RIMS2: variants seen among roughly 807,000 people sequenced by gnomAD.
RIMS2 encodes the protein regulating synaptic membrane exocytosis 2, also known as regulating synaptic membrane exocytosis protein 2.
In RIMS2, 59 loss-of-function variants were observed where a neutral mutation model predicts 174.4. That is an observed-to-expected ratio of 0.34 (90% CI 0.27 to 0.42). The LOEUF (loss-of-function observed/expected upper bound fraction) is 0.42. RIMS2 is among the 10% of genes least tolerant of loss of function. RIMS2 has a pLI of 1.00. For missense variants in RIMS2, 1,620 were observed against 1,666.3 expected (o/e 0.97, Z 0.48); for synonymous variants, 606 against 572.5 (o/e 1.06, Z -0.84).
rs189797032 is a variant in RIMS2 at position 103,981,489 on chromosome 8, G to A, written c.2927+5983G>A. Among the ~76,000 whole-genome samples, 70 of 152,194 alleles carry A rather than the reference G, an allele frequency of 4.6e-4. 1 individual carries two copies. The highest frequency in any genetic ancestry group is 1.5e-3 in the African/African-American group (61 of 41,544). ...CTTCAATGCCAAGACACCAAAGACC[G>A]TCTATAAGCATTAGGATCATCCAGG... On this transcript the variant is annotated intron_variant, in intron 16 of 23. Coordinates refer to ENST00000504942, the Ensembl canonical transcript of RIMS2.
chr8:103,850,819 A>C (rs933408865), intron 3 of RIMS2, among the ~76,000 whole-genome samples: 1 of 152,012 alleles, frequency 6.6e-6, no homozygotes, highest in Non-Finnish European at 1.5e-5. Flanking sequence ...TCTTTATCTG[A>C]AAGTATATTT....
chr8:104,114,435 T>TA (rs1178278262), intron 19 of RIMS2, among the ~76,000 whole-genome samples: 1 of 151,968 alleles, frequency 6.6e-6, no homozygotes, highest in Non-Finnish European at 1.5e-5. Flanking sequence ...AGTTTGTTGT[T>TA]ACTATATGGA....
At chr8:103,671,335 T>A (rs563673516) in intron 1 of RIMS2, among the ~76,000 whole-genome samples, 14 of 152,192 alleles carry the variant, frequency 9.2e-5, no homozygotes, top group Non-Finnish European at 2.1e-4. Context: ...ATCATGGAGT[T>A]CATTCGAATA....
intron 19 of RIMS2, among the ~76,000 whole-genome samples, chr8:104,168,048 A>T (rs1425161744): frequency 6.6e-6 from 1 of 152,064 alleles, no homozygotes; most frequent in Non-Finnish European, 1.5e-5. Context: ...TGCCAGTAAC[A>T]TGTTGTTTTG....
chr8:104,118,743 A>G (rs893148232), intron 19 of RIMS2, among the ~76,000 whole-genome samples: 7 of 152,144 alleles, frequency 4.6e-5, no homozygotes, highest in African/African-American at 1.7e-4. Context: ...TTTAAAAAAG[A>G]GAAATTTATT....
chr8:103,696,712 A>T (rs1164796766), intron 1 of RIMS2, among the ~76,000 whole-genome samples: 1 of 151,846 alleles, frequency 6.6e-6, no homozygotes, highest in Non-Finnish European at 1.5e-5. Context: ...AAAAATATAA[A>T]AATTAGCTGG....
chr8:103,540,441 C>T (rs530148858), intron 1 of RIMS2, among the ~76,000 whole-genome samples: 2 of 152,126 alleles, frequency 1.3e-5, no homozygotes, highest in African/African-American at 2.4e-5. Context: ...GACAACATAG[C>T]GGCACCCTCA....
chr8:104,004,538 C>G (rs2095505223), intron 17 of RIMS2, among the ~76,000 whole-genome samples: 1 of 151,736 alleles, frequency 6.6e-6, no homozygotes, highest in Non-Finnish European at 1.5e-5. Flanking sequence ...TTGCAGTAGC[C>G]TAAGTATGAC....
rs978607445 is a variant in RIMS2 at position 103,571,418 on chromosome 8, G to A, written c.176+70356G>A. 3.9e-5 allele frequency among the ~76,000 whole-genome samples: 6 copies of A among 152,274 alleles called. 1 individual carries two copies. Among genetic ancestry groups the A allele is most frequent in the South Asian group, 4.1e-4 (2 of 4,832 alleles). Reference sequence around the variant, plus strand: ...AATACTGTAATAGGATGTTAATGGAGATGGAATATTAACTTATCAACTAGG... The same window carrying A: ...AATACTGTAATAGGATGTTAATGGAAATGGAATATTAACTTATCAACTAGG... On this transcript the variant is annotated intron_variant, in intron 1 of 23. Transcript: ENST00000504942.
chr8:104,177,807 T>A (rs1012766543), intron 19 of RIMS2, among the ~76,000 whole-genome samples: 9 of 152,194 alleles, frequency 5.9e-5, no homozygotes, highest in African/African-American at 1.9e-4. Flanking sequence ...TGTAAAATGC[T>A]GGCCTCGGTG....
chr8:104,186,633 A>T (rs1407599744), intron 19 of RIMS2, among the ~76,000 whole-genome samples: 1 of 151,710 alleles, frequency 6.6e-6, no homozygotes, highest in East Asian at 1.9e-4. Flanking sequence ...ATAGCCCTTC[A>T]TGTTAATATC....
intron 1 of RIMS2, 33 bp downstream of exon 3, chr8:103,652,743 A>G (rs921710411): frequency 1.7e-6 from 2 of 1,181,244 alleles, no homozygotes; most frequent in African/African-American, 1.6e-5. Flanking sequence ...ACTAAATATT[A>G]TCTCTGATAG....
intron 6 of RIMS2, among the ~76,000 whole-genome samples, chr8:103,914,776 A>G (rs2076354198): frequency 6.6e-6 from 1 of 152,156 alleles, no homozygotes; most frequent in Admixed American, 6.5e-5. Context: ...CTTGCCATCA[A>G]ATTGAGATAT....
intron 1 of RIMS2, among the ~76,000 whole-genome samples, chr8:103,592,041 C>T (rs913668453): frequency 6.6e-6 from 1 of 151,088 alleles, no homozygotes. Context: ...ATACTATATA[C>T]CTCTTGATTT....
At chr8:103,953,878 T>TA (rs1257591169) in intron 14 of RIMS2, among the ~76,000 whole-genome samples, 1 of 151,686 alleles carries the variant, frequency 6.6e-6, no homozygotes, top group Non-Finnish European at 1.5e-5. Flanking sequence ...CAGAGACACA[T>TA]ATAGGCTCAA....
At chr8:103,583,031 G>A (rs893798335) in intron 1 of RIMS2, among the ~76,000 whole-genome samples, 1 of 152,204 alleles carries the variant, frequency 6.6e-6, no homozygotes, top group Admixed American at 6.5e-5. Context: ...AGTCATAGTG[G>A]TGGTGGCCAC....
chr8:103,898,760 C>T (rs182572970), intron 4 of RIMS2, among the ~76,000 whole-genome samples: 3 of 151,202 alleles, frequency 2.0e-5, no homozygotes, highest in South Asian at 4.2e-4. Flanking sequence ...TTCTAGGGTA[C>T]GTGTGCACAA....
At position 103,808,712 on chromosome 8, in the gene RIMS2, T is replaced by G. The variant is rs57397838; in HGVS notation, c.698+42175T>G. ...AGTTACTTTTTACACCTATCTTGAC[T>G]GTGACCAATCAACGACTAAGTCCTG... On this transcript the variant is annotated intron_variant, in intron 3 of 23. Transcript: ENST00000504942. Among the ~76,000 whole-genome samples the G allele has an allele frequency of 2.0e-5, 3 of 152,056 alleles. No homozygotes were observed. In the South Asian group the frequency reaches 6.2e-4, roughly 32 times the overall value.
chr8:103,783,267 CTT>C (rs58402080), intron 3 of RIMS2, among the ~76,000 whole-genome samples: 38 of 140,966 alleles, frequency 2.7e-4, no homozygotes, highest in African/African-American at 4.7e-4. Context: ...TTTTTCTTTT[CTT>C]TTTTTTTTTT....
Sources: allele counts gnomAD v4.1 joint callset (sites outside exome capture counted in the v4.1 genomes callset), GRCh38; gene constraint gnomAD v4.1.1; transcripts MANE v1.5; gene names NCBI Gene and HGNC (gene_info 2026-07-23, HGNC 2026-07-21).